The following DIAPH3 variants were observed in gnomAD, a reference collection of about 807,000 sequenced individuals.
DIAPH3 encodes protein diaphanous homolog 3.
In DIAPH3, 117 loss-of-function variants were observed where a neutral mutation model predicts 144.3. The observed-to-expected ratio is 0.81, with a 90% CI of 0.70 to 0.95. The LOEUF is 0.95. Ranked by LOEUF, DIAPH3 falls within the 40% of genes least tolerant of loss-of-function variation. DIAPH3 has a pLI of 0.00. For missense variants in DIAPH3, 1,421 were observed against 1,412.7 expected, an observed-to-expected ratio of 1.01 and a Z score of -0.09; for synonymous variants, 519 against 488.9, an observed-to-expected ratio of 1.06 and a Z score of -0.81.
intron 4 of DIAPH3, among the ~76,000 whole-genome samples, chr13:60,079,686 C>T (rs1464499711): frequency 6.6e-6 from 1 of 151,864 alleles, no homozygotes; most frequent in African/African-American, 2.4e-5. Context: ...AAGAGCCACT[C>T]CTACTCAAAG....
intron 27 of DIAPH3, among the ~76,000 whole-genome samples, chr13:59,727,563 C>T (rs1052727310): frequency 2.0e-5 from 3 of 152,030 alleles, no homozygotes; most frequent in Non-Finnish European, 4.4e-5. Context: ...CCTATGTGTG[C>T]GGTATGTGTA....
In DIAPH3 at chr13:59,875,528, TA is replaced by T. The variant is rs144216660; in HGVS notation, c.2607+3700del. 3.4e-3 allele frequency among the ~76,000 whole-genome samples: 504 copies of T among 149,300 alleles called. 3 individuals carry two copies. The highest frequency in any genetic ancestry group is 0.011 in the African/African-American group (469 of 40,836). On this transcript the variant is annotated intron_variant, in intron 21 of 27. Coordinates refer to ENST00000400324, the MANE Select transcript of DIAPH3 (RefSeq NM_001042517.2). The stretch of plus-strand genomic sequence containing the variant: ...AGAGGAGGAGAAAGAGAGATTGTTC[TA>T]AAAAAAAAATCCTGACGAAACTGAC...
chr13:59,980,907 C>T (rs762411096), intron 13 of DIAPH3, 48 bp from the exon 14 acceptor site: 1 of 1,462,156 alleles, frequency 6.8e-7, no homozygotes, highest in East Asian at 2.3e-5. Flanking sequence ...TTCTTAAACT[C>T]ATTATGACTT....
At chr13:59,742,959 A>G (rs914540931) in intron 27 of DIAPH3, among the ~76,000 whole-genome samples, 4 of 152,216 alleles carry the variant, frequency 2.6e-5, no homozygotes, top group African/African-American at 9.6e-5. Context: ...CAACATTCCT[A>G]GAAGGTGAAA....
chr13:60,047,265 T>C (rs1280212022), intron 4 of DIAPH3, among the ~76,000 whole-genome samples: 1 of 151,910 alleles, frequency 6.6e-6, no homozygotes. Flanking sequence ...TTAAGTACAT[T>C]TTCTGAAAAA....
chr13:60,012,966 G>A, intron 7 of DIAPH3: 1 of 973,384 alleles, frequency 1.0e-6, no homozygotes, highest in Non-Finnish European at 1.2e-6. Flanking sequence ...ATTGCTACTT[G>A]TATAAATTAC....
In DIAPH3 at chr13:60,042,727, C is replaced by G. The variant is rs1389067633; in HGVS notation, c.589G>C (p.Glu197Gln). 3 of 1,613,550 alleles carry G rather than the reference C, an allele frequency of 1.9e-6. No individual in the cohort carries two copies. In the African/African-American group the frequency reaches 4.0e-5, roughly 22 times the overall value. Reference protein sequence around the residue: ...SADERLVTCLESLRVSLTSNP... With the variant: ...SADERLVTCLQSLRVSLTSNP... ...CTGGTCAAAGACACTCGGAGAGACT[C>G]CAGGCATGTGACAAGTCTCTCATCT... is the stretch of plus-strand genomic sequence containing the variant. The change falls in exon 5 of 28, where the codon GAG becomes CAG. Residue 197 changes from glutamate to glutamine, a missense_variant. Coordinates refer to ENST00000400324, the MANE Select transcript of DIAPH3 (RefSeq NM_001042517.2).
At chr13:59,993,792 T>C (rs433446) in intron 9 of DIAPH3, among the ~76,000 whole-genome samples, 1 of 149,020 alleles carries the variant, frequency 6.7e-6, no homozygotes, top group Non-Finnish European at 1.5e-5. Flanking sequence ...AAGTCAAGTT[T>C]AAAATGTTTT....
chr13:60,131,601 A>G (rs1253125133), intron 2 of DIAPH3, among the ~76,000 whole-genome samples: 3 of 152,154 alleles, frequency 2.0e-5, no homozygotes, highest in Admixed American at 6.5e-5. Flanking sequence ...CTATACAGTC[A>G]GAAAGTAGAT....
At chr13:60,067,198 T>C (rs2818945) in intron 4 of DIAPH3, among the ~76,000 whole-genome samples, 85,322 of 151,718 alleles carry the variant, frequency 0.56, 24,568 homozygotes, top group Admixed American at 0.61. Context: ...GGTGAAAGGA[T>C]TGCTTGAGCA....
At chr13:59,735,864 T>C (rs1217953958) in intron 27 of DIAPH3, among the ~76,000 whole-genome samples, 1 of 152,142 alleles carries the variant, frequency 6.6e-6, no homozygotes, top group Non-Finnish European at 1.5e-5. Context: ...TGATGGGGAT[T>C]TGTTGCACAG....
intron 9 of DIAPH3, among the ~76,000 whole-genome samples, chr13:59,999,187 G>A (rs1322477014): frequency 6.6e-6 from 1 of 151,910 alleles, no homozygotes; most frequent in African/African-American, 2.4e-5. Flanking sequence ...AGTATTCAAT[G>A]GCATATTTGT....
At chr13:59,913,458 C>A (rs1425348334) in intron 19 of DIAPH3, among the ~76,000 whole-genome samples, 1 of 152,136 alleles carries the variant, frequency 6.6e-6, no homozygotes. Flanking sequence ...TCATGCAACT[C>A]CTCTGCTCTA....
At chr13:60,126,332 G>C (rs2058988027) in intron 2 of DIAPH3, among the ~76,000 whole-genome samples, 1 of 152,152 alleles carries the variant, frequency 6.6e-6, no homozygotes, top group Admixed American at 6.6e-5. Context: ...ATATCAAGTA[G>C]AGTAGGTAAA....
At chr13:60,133,599 C>T (rs2059196039) in intron 1 of DIAPH3, among the ~76,000 whole-genome samples, 1 of 152,140 alleles carries the variant, frequency 6.6e-6, no homozygotes, top group Admixed American at 6.5e-5. Context: ...TTTTCAATTT[C>T]ATTGCTAGCT....
chr13:60,146,877 T>C (rs1451940224), intron 1 of DIAPH3, among the ~76,000 whole-genome samples: 1 of 152,196 alleles, frequency 6.6e-6, no homozygotes, highest in African/African-American at 2.4e-5. Flanking sequence ...TTGATCCTAA[T>C]AATCTAGTGA....
At chr13:60,053,123 A>T (rs953997531) in intron 4 of DIAPH3, among the ~76,000 whole-genome samples, 1 of 151,966 alleles carries the variant, frequency 6.6e-6, no homozygotes, top group African/African-American at 2.4e-5. Context: ...AAAAAAGGAA[A>T]TTGAGGGGGA....
intron 20 of DIAPH3, among the ~76,000 whole-genome samples, chr13:59,880,047 T>C (rs574422242): frequency 3.4e-4 from 51 of 152,230 alleles, no homozygotes; most frequent in African/African-American, 1.1e-3. Context: ...ATTAGCAGAA[T>C]CAGAGTTAGG....
chr13:60,086,607 A>G (rs2057756790), intron 4 of DIAPH3, among the ~76,000 whole-genome samples: 3 of 152,120 alleles, frequency 2.0e-5, no homozygotes, highest in South Asian at 4.1e-4. Flanking sequence ...AAGCAAAAAA[A>G]AAAAAATTCA....
Sources: gnomAD v4.1 joint callset for allele counts (sites outside exome capture counted in the v4.1 genomes callset) on GRCh38, gnomAD v4.1.1 for gene constraint, MANE v1.5 for transcripts, NCBI Gene and HGNC (gene_info 2026-07-23, HGNC 2026-07-21) for gene names.